PLCB1: variants seen among roughly 807,000 people sequenced by gnomAD.
PLCB1 encodes 1-phosphatidylinositol 4,5-bisphosphate phosphodiesterase beta-1.
Under a neutral mutation model 161.8 loss-of-function variants are expected in PLCB1, and 46 were observed. The observed-to-expected ratio is 0.28, with a 90% CI of 0.22 to 0.36. The LOEUF is 0.36. Among genes scored for constraint, PLCB1 ranks in the 10% least tolerant of loss-of-function variants. The probability of loss-of-function intolerance (pLI) is 1.00; values close to 1 mark genes in which losing one functional copy is unlikely to be tolerated. For missense variants in PLCB1, 1,016 were observed against 1,472.5 expected, an observed-to-expected ratio of 0.69 and a Z score of 5.07; for synonymous variants, 517 against 503.7, an observed-to-expected ratio of 1.03 and a Z score of -0.35.
chr20:8,501,449 G>A (rs1216427283), intron 3 of PLCB1, among the ~76,000 whole-genome samples: 1 of 152,170 alleles, frequency 6.6e-6, no homozygotes, highest in Non-Finnish European at 1.5e-5. Context: ...GTGCCCCAAG[G>A]CAGCGGGTCC....
chr20:8,317,385 C>T (rs1984706645), intron 2 of PLCB1, among the ~76,000 whole-genome samples: 1 of 152,082 alleles, frequency 6.6e-6, no homozygotes, highest in Admixed American at 6.6e-5. Context: ...GCAACATCCA[C>T]CATCATAGAT....
Position 8,577,082 on chromosome 20 carries a change from A to C in PLCB1, c.247-51212A>C, listed in dbSNP as rs558412915. Among the ~76,000 whole-genome samples the C allele has an allele frequency of 3.9e-5, 6 of 152,266 alleles. No homozygotes were observed. In the South Asian group the frequency reaches 6.2e-4, roughly 16 times the overall value. On this transcript the variant is annotated intron_variant, in intron 3 of 31. Transcript: ENST00000338037. Reference sequence around the variant, plus strand: ...TTGACGACAAGTTGCATTAATAAAAAACCAACAATCAAGTCATGTATTATT... The same window carrying C: ...TTGACGACAAGTTGCATTAATAAAACACCAACAATCAAGTCATGTATTATT...
chr20:8,146,078 A>C (rs892169236), intron 1 of PLCB1, among the ~76,000 whole-genome samples: 1 of 146,066 alleles, frequency 6.8e-6, no homozygotes, highest in Admixed American at 6.8e-5. Context: ...GAACAAAAGA[A>C]ATCTTCTTAC....
chr20:8,397,965 T>A (rs1978365889), intron 3 of PLCB1, among the ~76,000 whole-genome samples: 1 of 152,128 alleles, frequency 6.6e-6, no homozygotes, highest in African/African-American at 2.4e-5. Flanking sequence ...AGTTTCAGGA[T>A]AAATTCCTAG....
intron 9 of PLCB1, among the ~76,000 whole-genome samples, chr20:8,665,508 G>A (rs1005446229): frequency 3.3e-5 from 5 of 152,028 alleles, no homozygotes; most frequent in African/African-American, 1.2e-4. Flanking sequence ...TTAAGGATAA[G>A]TATAATAATT....
intron 2 of PLCB1, among the ~76,000 whole-genome samples, chr20:8,226,357 C>T (rs1398542240): frequency 1.3e-5 from 2 of 152,084 alleles, no homozygotes; most frequent in African/African-American, 2.4e-5. Flanking sequence ...ACCTCCCTCA[C>T]GTTTGCCATT....
intron 2 of PLCB1, among the ~76,000 whole-genome samples, chr20:8,335,212 T>C (rs1392015795): frequency 6.6e-6 from 1 of 152,160 alleles, no homozygotes; most frequent in Admixed American, 6.5e-5. Flanking sequence ...ATAGTAAAAA[T>C]ATATATGCAG....
chr20:8,429,272 A>G (rs1979928459), intron 3 of PLCB1, among the ~76,000 whole-genome samples: 1 of 152,180 alleles, frequency 6.6e-6, no homozygotes, highest in Non-Finnish European at 1.5e-5. Context: ...GATTTTTTTA[A>G]ACTTCTCTAA....
At chr20:8,536,313 G>A (rs917931306) in intron 3 of PLCB1, among the ~76,000 whole-genome samples, 6 of 152,108 alleles carry the variant, frequency 3.9e-5, no homozygotes, top group Non-Finnish European at 5.9e-5. Flanking sequence ...GTTAGGCGCC[G>A]GATGAGTTTG....
Position 8,181,025 on chromosome 20 carries a change from C to T in PLCB1, c.177+30654C>T, listed in dbSNP as rs531446828. On this transcript the variant is annotated intron_variant, in intron 2 of 31. Coordinates refer to ENST00000338037, the MANE Select transcript of PLCB1 (RefSeq NM_015192.4). ...AATATGATTGGGAGGCCGAGAGAGG[C>T]GGATTACCTGAGGTCAGGAGTTCGA... 2.6e-5 allele frequency among the ~76,000 whole-genome samples: 4 copies of T among 151,226 alleles called. No homozygotes were observed. In the East Asian group the frequency reaches 5.8e-4, roughly 22 times the overall value.
chr20:8,221,452 C>T (rs1489857318), intron 2 of PLCB1, among the ~76,000 whole-genome samples: 3 of 152,108 alleles, frequency 2.0e-5, no homozygotes, highest in African/African-American at 7.2e-5. Context: ...AAGTGAGGAG[C>T]TTGAAAAAGT....
chr20:8,293,005 T>C (rs1481349222), intron 2 of PLCB1, among the ~76,000 whole-genome samples: 1 of 152,098 alleles, frequency 6.6e-6, no homozygotes, highest in Non-Finnish European at 1.5e-5. Flanking sequence ...TAAAGTGTTA[T>C]GTTTTGATTG....
chr20:8,513,351 A>G (rs77786493), intron 3 of PLCB1, among the ~76,000 whole-genome samples: 7,788 of 152,296 alleles, frequency 0.051, 679 homozygotes, highest in African/African-American at 0.17. Context: ...TGAAGGGCAC[A>G]CACACACTCA....
intron 3 of PLCB1, among the ~76,000 whole-genome samples, chr20:8,465,946 C>A (rs1434790800): frequency 2.0e-5 from 3 of 149,660 alleles, no homozygotes; most frequent in Non-Finnish European, 3.0e-5. Flanking sequence ...ACTAGAAATA[C>A]CATTTGACCC....
At chr20:8,514,431 C>T (rs1334868564) in intron 3 of PLCB1, among the ~76,000 whole-genome samples, 5 of 133,052 alleles carry the variant, frequency 3.8e-5, no homozygotes, top group Admixed American at 8.7e-5. Context: ...GGCAACAGAG[C>T]GAGACTCCAT....
intron 27 of PLCB1, among the ~76,000 whole-genome samples, chr20:8,775,991 G>C (rs148344246): frequency 6.6e-6 from 1 of 152,298 alleles, no homozygotes; most frequent in East Asian, 1.9e-4. Flanking sequence ...GGCATAGGGA[G>C]GGATTGCCTT....
intron 25 of PLCB1, among the ~76,000 whole-genome samples, chr20:8,763,870 G>A (rs930871534): frequency 4.0e-5 from 6 of 150,972 alleles, no homozygotes; most frequent in Admixed American, 1.3e-4. Flanking sequence ...CTCAGCATGG[G>A]ATAAAAAAAT....
intron 12 of PLCB1, among the ~76,000 whole-genome samples, chr20:8,711,896 A>T (rs1005149236): frequency 6.6e-6 from 1 of 152,198 alleles, no homozygotes; most frequent in Non-Finnish European, 1.5e-5. Flanking sequence ...CCTATTTGCC[A>T]TCTCTGATGA....
chr20:8,193,138 G>A (rs1342773280), intron 2 of PLCB1, among the ~76,000 whole-genome samples: 1 of 151,990 alleles, frequency 6.6e-6, no homozygotes, highest in Non-Finnish European at 1.5e-5. Flanking sequence ...TGTAGGAGAT[G>A]CTGTGGGAAA....
Sources: allele counts gnomAD v4.1 joint callset (sites outside exome capture counted in the v4.1 genomes callset), GRCh38; gene constraint gnomAD v4.1.1; transcripts MANE v1.5; gene names NCBI Gene and HGNC (gene_info 2026-07-23, HGNC 2026-07-21).